FAM13C: variants seen among roughly 807,000 people sequenced by gnomAD.
FAM13C encodes family with sequence similarity 13 member C.
FAM13C carries 37 observed loss-of-function variants against 73.2 expected under a neutral mutation model. The ratio of observed to expected loss-of-function variants is 0.51; its 90% confidence interval spans 0.39 to 0.67. The LOEUF is 0.67. FAM13C is among the 30% of genes least tolerant of loss of function. The probability of loss-of-function intolerance (pLI) is 0.00; values close to 1 mark genes in which losing one functional copy is unlikely to be tolerated. For synonymous variants in FAM13C, 246 were observed against 260.9 expected, an observed-to-expected ratio of 0.94 and a Z score of 0.55; for missense variants, 589 against 715.6, an observed-to-expected ratio of 0.82 and a Z score of 2.02.
At chr10:59,253,159 C>T (rs2446721) in intron 11 of FAM13C, among the ~76,000 whole-genome samples, 161 bp from the exon 12 acceptor site, 114,282 of 152,178 alleles carry the variant, frequency 0.75, 44,942 homozygotes, top group East Asian at 0.9. Flanking sequence ...AGGAGCTCTT[C>T]CGCAGTTTCA....
chr10:59,354,371 G>A (rs1478681886), intron 2 of FAM13C, among the ~76,000 whole-genome samples: 4 of 152,128 alleles, frequency 2.6e-5, no homozygotes, highest in Non-Finnish European at 5.9e-5. Context: ...CATATTATTG[G>A]TTCCTCAGGA....
At chr10:59,264,662 C>T (rs1842842155) in intron 8 of FAM13C, among the ~76,000 whole-genome samples, 1 of 152,158 alleles carries the variant, frequency 6.6e-6, no homozygotes, top group Non-Finnish European at 1.5e-5. Flanking sequence ...GAAGATTTAG[C>T]TCTTATCAGT....
At chr10:59,345,254 A>T (rs1457522255) in intron 3 of FAM13C, among the ~76,000 whole-genome samples, 1 of 152,202 alleles carries the variant, frequency 6.6e-6, no homozygotes, top group Non-Finnish European at 1.5e-5. Flanking sequence ...ATTCTTCTGT[A>T]ACTTCCATCA....
At chr10:59,275,821 T>C (rs1192281973) in intron 6 of FAM13C, among the ~76,000 whole-genome samples, 1 of 152,168 alleles carries the variant, frequency 6.6e-6, no homozygotes, top group African/African-American at 2.4e-5. Flanking sequence ...AACACAGTAC[T>C]TGGTCTAATG....
chr10:59,328,140 G>A (rs888133839), intron 3 of FAM13C, among the ~76,000 whole-genome samples: 1 of 152,180 alleles, frequency 6.6e-6, no homozygotes, highest in Non-Finnish European at 1.5e-5. Context: ...GCCAAATGCA[G>A]GGACCATCAA....
chr10:59,325,606 T>G (rs974817375), intron 3 of FAM13C, among the ~76,000 whole-genome samples: 26 of 152,310 alleles, frequency 1.7e-4, no homozygotes, highest in Middle Eastern at 3.4e-3. Context: ...GACAGAATTC[T>G]GCTTGCTACT....
At chr10:59,328,830 A>T (rs1358115003) in intron 3 of FAM13C, among the ~76,000 whole-genome samples, 3 of 152,232 alleles carry the variant, frequency 2.0e-5, no homozygotes, top group Non-Finnish European at 4.4e-5. Flanking sequence ...TAATTAAGAC[A>T]TGATTAATAT....
chr10:59,260,646 C>A (rs1418929853), intron 10 of FAM13C, among the ~76,000 whole-genome samples: 2 of 152,044 alleles, frequency 1.3e-5, no homozygotes, highest in Non-Finnish European at 2.9e-5. Context: ...TTAATGATTT[C>A]TTTTTATTGA....
At chr10:59,269,365 T>C (rs777571090) in intron 7 of FAM13C, among the ~76,000 whole-genome samples, 1 of 151,780 alleles carries the variant, frequency 6.6e-6, no homozygotes, top group Non-Finnish European at 1.5e-5. Context: ...ACATAGTTCC[T>C]CAATCCCAAA....
chr10:59,264,313 G>T (rs143846178), intron 8 of FAM13C, 147 bp from the exon 9 acceptor site: 3 of 616,180 alleles, frequency 4.9e-6, no homozygotes, highest in Non-Finnish European at 2.8e-6. Context: ...AGAGAAATTC[G>T]GGTGTGAAAT....
chr10:59,353,330 T>C (rs771774463), intron 2 of FAM13C, among the ~76,000 whole-genome samples: 9 of 152,228 alleles, frequency 5.9e-5, no homozygotes, highest in Non-Finnish European at 1.2e-4. Context: ...TTTTTCATTC[T>C]GCTAAGTATC....
At chr10:59,324,236 G>A in intron 3 of FAM13C, 130 bp from the exon 4 acceptor site, 1 of 685,544 alleles carries the variant, frequency 1.5e-6, no homozygotes, top group Non-Finnish European at 2.4e-6. Flanking sequence ...TGTAGTGTGG[G>A]AAGGGAGCCA....
intron 11 of FAM13C, chr10:59,253,873 T>A (rs1369386495): frequency 2.6e-5 from 4 of 154,118 alleles, no homozygotes; most frequent in African/African-American, 7.2e-5. Context: ...ATTTCAGTAC[T>A]TATATTTTCT....
chr10:59,294,505 C>A (rs1185608474), intron 5 of FAM13C, among the ~76,000 whole-genome samples: 1 of 152,182 alleles, frequency 6.6e-6, no homozygotes, highest in Non-Finnish European at 1.5e-5. Flanking sequence ...ATAGAGGCAG[C>A]TGCTGGCATG....
intron 4 of FAM13C, among the ~76,000 whole-genome samples, chr10:59,304,732 T>C (rs372674998): frequency 4.7e-4 from 53 of 113,822 alleles, no homozygotes; most frequent in African/African-American, 1.7e-3. Flanking sequence ...AAGCCTGCAC[T>C]TGTACCCTGA....
At chr10:59,319,539 C>A (rs1001832790) in intron 4 of FAM13C, among the ~76,000 whole-genome samples, 8 of 152,184 alleles carry the variant, frequency 5.3e-5, no homozygotes, top group African/African-American at 1.7e-4. Context: ...CATTAATATT[C>A]TCTTACATTC....
intron 3 of FAM13C, among the ~76,000 whole-genome samples, chr10:59,343,314 T>C (rs1853764252): frequency 1.3e-5 from 2 of 152,222 alleles, no homozygotes; most frequent in Non-Finnish European, 2.9e-5. Flanking sequence ...GTATATCCTT[T>C]GGTGATACTT....
intron 4 of FAM13C, among the ~76,000 whole-genome samples, chr10:59,316,251 A>G (rs1486707165): frequency 6.6e-6 from 1 of 152,182 alleles, no homozygotes; most frequent in Non-Finnish European, 1.5e-5. Context: ...CTAAAAATTT[A>G]TATCTTAAGT....
At chr10:59,355,146 A>G (rs759811208) in intron 2 of FAM13C, among the ~76,000 whole-genome samples, 2 of 152,142 alleles carry the variant, frequency 1.3e-5, no homozygotes, top group Admixed American at 1.3e-4. Flanking sequence ...GTAGCACTCA[A>G]TGCACTGTAG....
Sources: gnomAD v4.1 joint callset for allele counts (sites outside exome capture counted in the v4.1 genomes callset) on GRCh38, gnomAD v4.1.1 for gene constraint, MANE v1.5 for transcripts, NCBI Gene and HGNC (gene_info 2026-07-23, HGNC 2026-07-21) for gene names.